Variants in ANO2 observed in about 807,000 individuals in gnomAD.
The protein encoded by ANO2 is anoctamin 2.
In ANO2, 101 loss-of-function variants were observed where a neutral mutation model predicts 124.2. The ratio of observed to expected loss-of-function variants is 0.81; its 90% CI spans 0.69 to 0.96. The LOEUF is 0.96. Among genes scored for constraint, ANO2 ranks in the 40% least tolerant of loss-of-function variants. ANO2 has a pLI of 0.00. For synonymous variants in ANO2, 486 were observed against 482.5 expected (o/e 1.01, Z -0.09); for missense variants, 1,293 against 1,274.5 (o/e 1.01, Z -0.22).
chr12:5,648,050 A>C (rs1301467962), intron 14 of ANO2, among the ~76,000 whole-genome samples: 1 of 152,210 alleles, frequency 6.6e-6, no homozygotes, highest in East Asian at 1.9e-4. Flanking sequence ...ACGGGGCTGA[A>C]TTTCTAGTTC....
chr12:5,572,523 A>G (rs1942185760), intron 23 of ANO2, among the ~76,000 whole-genome samples: 1 of 152,166 alleles, frequency 6.6e-6, no homozygotes, highest in Non-Finnish European at 1.5e-5. Context: ...CTGTTGCCCT[A>G]TTGTCAATCA....
intron 7 of ANO2, among the ~76,000 whole-genome samples, chr12:5,816,596 C>A (rs1415281991): frequency 6.6e-6 from 1 of 152,130 alleles, no homozygotes; most frequent in Non-Finnish European, 1.5e-5. Flanking sequence ...CAAGAGTACC[C>A]AAGTTCTAGA....
chr12:5,854,221 C>A (rs1955019085), intron 3 of ANO2, 80 bp from the exon 4 acceptor site: 2 of 1,280,492 alleles, frequency 1.6e-6, no homozygotes, highest in South Asian at 1.2e-5. Context: ...CTGTTCCACA[C>A]AAGGAGCCCA....
intron 3 of ANO2, among the ~76,000 whole-genome samples, chr12:5,880,410 G>A (rs778259139): frequency 1.9e-4 from 28 of 151,096 alleles, no homozygotes; most frequent in Admixed American, 3.3e-4. Flanking sequence ...GTGTGTGTAA[G>A]AAGAGCAAAG....
chr12:5,744,840 A>C (rs1951219468), intron 11 of ANO2, among the ~76,000 whole-genome samples: 1 of 152,204 alleles, frequency 6.6e-6, no homozygotes, highest in South Asian at 2.1e-4. Flanking sequence ...GAAGTTCTAC[A>C]TGGGGAAGAA....
At chr12:5,694,489 A>G (rs16933786) in intron 14 of ANO2, among the ~76,000 whole-genome samples, 20,903 of 152,034 alleles carry the variant, frequency 0.14, 1,537 homozygotes, top group Middle Eastern at 0.24. Context: ...TGTCCCCACA[A>G]AGAGTTTACA....
intron 9 of ANO2, among the ~76,000 whole-genome samples, chr12:5,801,733 G>T (rs1324353522): frequency 2.0e-5 from 3 of 152,174 alleles, no homozygotes; most frequent in African/African-American, 7.2e-5. Flanking sequence ...ATACAAAAGG[G>T]GTCACTCAGT....
At chr12:5,886,941 C>T (rs375393743) in intron 3 of ANO2, among the ~76,000 whole-genome samples, 38 of 151,836 alleles carry the variant, frequency 2.5e-4, no homozygotes. Flanking sequence ...TGAGGGTGGC[C>T]GGAGCATTAG....
intron 14 of ANO2, among the ~76,000 whole-genome samples, chr12:5,712,426 A>G (rs1949852336): frequency 6.6e-6 from 1 of 152,198 alleles, no homozygotes; most frequent in Non-Finnish European, 1.5e-5. Context: ...TACAGGAGAG[A>G]GCCATGTAAA....
chr12:5,698,764 G>A lies in ANO2; in HGVS notation c.1545+33756C>T, dbSNP rs565443312. Among the ~76,000 whole-genome samples the A allele has an allele frequency of 2.0e-5, 3 of 152,346 alleles. No individual in the cohort carries two copies. The South Asian group carries it at 6.2e-4, about 32-fold the overall frequency. On this transcript the variant is annotated intron_variant, in intron 14 of 24. Transcript: ENST00000682330. ...AGAAGTCCTTAAATGACCTGATGGA[G>A]CTGAAAACCATGGCACGAGAACTAT... is the stretch of plus-strand genomic sequence containing the variant.
intron 4 of ANO2, among the ~76,000 whole-genome samples, chr12:5,838,173 G>A (rs2137228854): frequency 6.6e-6 from 1 of 152,344 alleles, no homozygotes; most frequent in East Asian, 1.9e-4. Flanking sequence ...GGCTCACCTA[G>A]AGAAACGGGC....
At chr12:5,752,682 TC>T (rs1951473528) in intron 10 of ANO2, among the ~76,000 whole-genome samples, 1 of 152,240 alleles carries the variant, frequency 6.6e-6, no homozygotes. Flanking sequence ...ATATTGACTT[TC>T]ACTCTGTTGA....
intron 3 of ANO2, among the ~76,000 whole-genome samples, chr12:5,858,234 C>T (rs543760526): frequency 1.3e-4 from 20 of 152,208 alleles, no homozygotes; most frequent in African/African-American, 3.9e-4. Flanking sequence ...CGCTAACTAC[C>T]CTGATTTAAT....
At position 5,894,152 on chromosome 12, in the gene ANO2, T is replaced by G. The variant is rs567080322; in HGVS notation, c.534+26888A>C. On this transcript the variant is annotated intron_variant, in intron 3 of 24. Transcript: ENST00000682330. ...CCTCCACTTCCTCTCCAGCATCTGT[T>G]GTTTCCTGACTTTTTAATAATCACC... Among the ~76,000 whole-genome samples, 135 of 152,312 alleles carry G rather than the reference T, an allele frequency of 8.9e-4. 2 individuals carry two copies. The highest frequency in any genetic ancestry group is 3.2e-3 in the African/African-American group (132 of 41,568).
chr12:5,849,860 T>C lies in ANO2; in HGVS notation c.633+4183A>G, dbSNP rs1010609605. ...AGGATGTGGCTCTCAGCAAATGTGG[T>C]TTTTTTCTCATTTTAAAAAGAGAGC... On this transcript the variant is annotated intron_variant, in intron 4 of 24. Transcript: ENST00000682330. Among the ~76,000 whole-genome samples the C allele has an allele frequency of 3.9e-5, 6 of 152,058 alleles. No homozygotes were observed. The South Asian group carries it at 1.2e-3, about 32-fold the overall frequency.
rs113210472 is a variant in ANO2, at chr12:5,621,721, T to A, written c.1817-6424A>T. Among the ~76,000 whole-genome samples, 685 of 152,150 alleles carry A rather than the reference T, an allele frequency of 4.5e-3. 10 individuals carry two copies. The highest frequency in any genetic ancestry group is 0.016 in the African/African-American group (661 of 41,492). ...GACTGCTGAAGGACTGGGTTCTACT[T>A]CCAGATGAGCATGGGGAAGGAGCAG... On this transcript the variant is annotated intron_variant, in intron 16 of 24. Coordinates refer to ENST00000682330, the MANE Select transcript of ANO2 (RefSeq NM_001364791.2).
At chr12:5,690,949 T>A (rs1408977672) in intron 14 of ANO2, among the ~76,000 whole-genome samples, 1 of 152,210 alleles carries the variant, frequency 6.6e-6, no homozygotes, top group Non-Finnish European at 1.5e-5. Flanking sequence ...CTGACACATA[T>A]AGGGAGCATA....
intron 15 of ANO2, among the ~76,000 whole-genome samples, chr12:5,640,595 A>G (rs1374252017): frequency 1.3e-5 from 2 of 152,248 alleles, no homozygotes; most frequent in African/African-American, 2.4e-5. Context: ...AAAAGAAGAC[A>G]TTTATGCAGC....
chr12:5,902,064 A>G (rs1940252122), intron 3 of ANO2, among the ~76,000 whole-genome samples: 1 of 152,194 alleles, frequency 6.6e-6, no homozygotes, highest in Admixed American at 6.5e-5. Flanking sequence ...TCCTACAGTC[A>G]GTTTATAGGC....
Sources: allele counts gnomAD v4.1 joint callset (sites outside exome capture counted in the v4.1 genomes callset), GRCh38; gene constraint gnomAD v4.1.1; transcripts MANE v1.5; gene names NCBI Gene and HGNC (gene_info 2026-07-23, HGNC 2026-07-21).